CHM: variants seen among roughly 807,000 people sequenced by gnomAD.
CHM encodes CHM Rab escort protein, also known as rab proteins geranylgeranyltransferase component A 1.
Under a neutral mutation model 49.0 loss-of-function variants are expected in CHM, and 10 were observed. The ratio of observed to expected loss-of-function variants is 0.20; its 90% CI spans 0.13 to 0.35. The LOEUF is 0.35. Ranked by LOEUF, CHM falls within the 10% of genes least tolerant of loss-of-function variation. The probability of loss-of-function intolerance (pLI) is 1.00; values close to 1 mark genes in which losing one functional copy is unlikely to be tolerated. For missense variants in CHM, 455 were observed against 478.4 expected, an observed-to-expected ratio of 0.95 and a Z score of 0.46; for synonymous variants, 184 against 167.5, an observed-to-expected ratio of 1.10 and a Z score of -0.76.
intron 1 of CHM, among the ~76,000 whole-genome samples, chrX:86,038,738 C>T (rs1391339150): frequency 8.9e-6 from 1 of 111,751 alleles, no homozygotes; most frequent in Non-Finnish European, 1.9e-5. Flanking sequence ...CCAGGTCATT[C>T]CGTTCACCTT....
Position 85,981,790 on chromosome X carries a change from T to G in CHM, c.136A>C (p.Asn46His). The change falls in exon 3 of 15, where the codon AAC becomes CAC. Residue 46 changes from asparagine to histidine, a missense_variant. Coordinates refer to ENST00000357749, the MANE Select transcript of CHM (RefSeq NM_000390.4). ...CCTGAAAAGCTAAAACTGGCCCAGT[T>G]TCCTCCATAGTAGCTTCTTCTGTAA... Reference protein sequence around the residue: ...HVDSRSYYGGNWASFSFSGLL... With the variant: ...HVDSRSYYGGHWASFSFSGLL... The G allele has an allele frequency of 8.4e-7, 1 of 1,185,489 alleles. No homozygotes were observed. Among genetic ancestry groups the G allele is most frequent in the Non-Finnish European group, 1.1e-6 (1 of 878,925 alleles).
intron 8 of CHM, among the ~76,000 whole-genome samples, chrX:85,929,463 A>G (rs1928291647): frequency 9.0e-6 from 1 of 111,528 alleles, no homozygotes; most frequent in Non-Finnish European, 1.9e-5. Flanking sequence ...TTCACAGCAC[A>G]TTCATTCTCT....
At chrX:85,906,990 A>C (rs1926632697) in intron 9 of CHM, among the ~76,000 whole-genome samples, 1 of 110,766 alleles carries the variant, frequency 9.0e-6, no homozygotes, top group Admixed American at 9.6e-5. Flanking sequence ...AAATTAGCCA[A>C]GCGTGGTCAC....
chrX:85,871,304 C>CAAAAAAAAAAAAAAAAAAAAAAA (rs150005971), intron 14 of CHM, among the ~76,000 whole-genome samples: 3 of 62,092 alleles, frequency 4.8e-5, no homozygotes, highest in African/African-American at 2.1e-4. Flanking sequence ...AAGACTGTCT[C>CAAAAAAAAAAAAAAAAAAAAAAA]AAAAAAAAAA....
rs947431315 is a variant in CHM, at chrX:85,894,087, G to C, written c.1510+101C>G. The C allele has an allele frequency of 2.1e-5, 13 of 607,900 alleles. No homozygotes were observed. The South Asian group carries it at 3.1e-4, about 14-fold the overall frequency. The allele number at this position is 607,900 out of a possible 1,213,427, so 50.1% of individuals were successfully genotyped here. ...AACAAAAACTGTGAATAATAAAAAA[G>C]TAAGAAAATCTCTACAAATACAACC... On this transcript the variant is annotated intron_variant, in intron 12 of 14. Transcript: ENST00000357749.
intron 2 of CHM, among the ~76,000 whole-genome samples, chrX:85,999,913 C>G (rs1405453470): frequency 3.6e-5 from 4 of 111,915 alleles, no homozygotes; most frequent in Middle Eastern, 4.2e-3. Flanking sequence ...TAATGACAGA[C>G]ACTGTTTATA....
intron 1 of CHM, among the ~76,000 whole-genome samples, chrX:86,032,585 T>C (rs1934085695): frequency 1.8e-5 from 2 of 112,199 alleles, no homozygotes; most frequent in South Asian, 3.7e-4. Context: ...CTTTTCTTTA[T>C]GTAAACTATA....
intron 2 of CHM, among the ~76,000 whole-genome samples, chrX:86,015,227 G>T (rs183994618): frequency 9.0e-6 from 1 of 110,975 alleles, no homozygotes; most frequent in East Asian, 2.8e-4. Flanking sequence ...CTGTCCTTGT[G>T]ATAGTGAATA....
At chrX:85,976,304 A>T (rs916266340) in intron 4 of CHM, among the ~76,000 whole-genome samples, 2 of 111,801 alleles carry the variant, frequency 1.8e-5, no homozygotes, top group African/African-American at 6.5e-5. Flanking sequence ...CTCCTTTATT[A>T]TTCTACCAAG....
chrX:85,947,440 G>A (rs1929476504), intron 8 of CHM, among the ~76,000 whole-genome samples: 2 of 111,202 alleles, frequency 1.8e-5, no homozygotes, highest in Admixed American at 1.9e-4. Context: ...CCTCTATCTT[G>A]CTCCTGCTCT....
intron 8 of CHM, among the ~76,000 whole-genome samples, chrX:85,931,993 C>T (rs1172414734): frequency 9.0e-6 from 1 of 111,608 alleles, no homozygotes; most frequent in African/African-American, 3.3e-5. Context: ...CATGCCATTT[C>T]AACATACAAA....
intron 5 of CHM, among the ~76,000 whole-genome samples, chrX:85,961,143 C>T (rs999025447): frequency 4.5e-5 from 5 of 110,724 alleles, no homozygotes; most frequent in African/African-American, 1.6e-4. Context: ...GGTCTTTGGA[C>T]GAGCACGGTG....
intron 4 of CHM, among the ~76,000 whole-genome samples, chrX:85,972,829 C>T (rs1010020473): frequency 1.8e-5 from 2 of 112,407 alleles, no homozygotes; most frequent in Non-Finnish European, 3.8e-5. Flanking sequence ...GGCCGAAGGG[C>T]TCCTCAAGTG....
At chrX:85,888,049 T>G (rs983581733) in intron 12 of CHM, among the ~76,000 whole-genome samples, 4 of 112,030 alleles carry the variant, frequency 3.6e-5, no homozygotes, top group Non-Finnish European at 7.5e-5. Flanking sequence ...AATTTGTACA[T>G]GTAATGAGGA....
chrX:85,942,912 C>T (rs1929201206), intron 8 of CHM, among the ~76,000 whole-genome samples: 1 of 68,585 alleles, frequency 1.5e-5, no homozygotes, highest in Non-Finnish European at 2.5e-5. Context: ...CCTCCCCCCT[C>T]CCCTCACCCC....
chrX:85,907,688 T>C (rs1173133393), intron 9 of CHM, among the ~76,000 whole-genome samples: 2 of 112,110 alleles, frequency 1.8e-5, no homozygotes, highest in African/African-American at 3.2e-5. Flanking sequence ...GGTCAAAGTT[T>C]GTACAGTGTT....
intron 11 of CHM, among the ~76,000 whole-genome samples, chrX:85,897,023 T>C (rs771022145): frequency 1.7e-3 from 166 of 95,936 alleles, no homozygotes; most frequent in African/African-American, 6.1e-3. Flanking sequence ...ATATATAATA[T>C]ATTAATTATA....
At chrX:85,990,498 G>A (rs904930067) in intron 2 of CHM, among the ~76,000 whole-genome samples, 14 of 111,651 alleles carry the variant, frequency 1.3e-4, no homozygotes, top group African/African-American at 4.5e-4. Context: ...TAAAAAAATT[G>A]TAGAAAACAT....
At chrX:85,907,390 T>C (rs905363485) in intron 9 of CHM, among the ~76,000 whole-genome samples, 1 of 111,831 alleles carries the variant, frequency 8.9e-6, no homozygotes, top group African/African-American at 3.3e-5. Context: ...AATGGCCAGA[T>C]CTAATTTACC....
Sources: gnomAD v4.1 joint callset for allele counts (sites outside exome capture counted in the v4.1 genomes callset) on GRCh38, gnomAD v4.1.1 for gene constraint, MANE v1.5 for transcripts, NCBI Gene and HGNC (gene_info 2026-07-23, HGNC 2026-07-21) for gene names.